Variants in ELK3 observed in about 807,000 individuals in gnomAD.
ELK3 encodes the protein ETS domain-containing protein Elk-3.
A neutral mutation model predicts 28.9 loss-of-function variants in ELK3; 10 were observed. The observed-to-expected ratio is 0.35, with a 90% CI of 0.21 to 0.59. The LOEUF is 0.59. Ranked by LOEUF, ELK3 falls within the 20% of genes least tolerant of loss-of-function variation. The pLI, the probability that ELK3 is intolerant of heterozygous loss-of-function variation, is 0.82. For synonymous variants in ELK3, 272 were observed against 243.5 expected (o/e 1.12, Z -1.09); for missense variants, 463 against 517.3 (o/e 0.90, Z 1.02).
intron 1 of ELK3, among the ~76,000 whole-genome samples, chr12:96,210,254 C>T (rs1042742572): frequency 8.6e-5 from 13 of 151,978 alleles, no homozygotes; most frequent in Admixed American, 6.6e-4. Flanking sequence ...CTGTTTTTTT[C>T]GGGGCATGTT....
chr12:96,263,776 A>C (rs1321337633), intron 4 of ELK3, among the ~76,000 whole-genome samples: 2 of 152,124 alleles, frequency 1.3e-5, no homozygotes, highest in Non-Finnish European at 2.9e-5. Flanking sequence ...TCAGGAAGGG[A>C]CCAGGTGATA....
chr12:96,252,643 A>T (rs1951916190), intron 3 of ELK3, among the ~76,000 whole-genome samples: 4 of 152,200 alleles, frequency 2.6e-5, no homozygotes, highest in Admixed American at 2.6e-4. Context: ...TAGCAAGAGA[A>T]CTAGCATTAG....
chr12:96,232,757 CA>C (rs58238317), intron 2 of ELK3, among the ~76,000 whole-genome samples: 145,104 of 151,346 alleles, frequency 0.96, 69,605 homozygotes, highest in East Asian at 1. Context: ...CAAAAACAAA[CA>C]AAAAAAAGCC....
In ELK3 at chr12:96,241,765, A is replaced by G. The variant is rs75250288; in HGVS notation, c.208-5175A>G. 7.9e-3 allele frequency among the ~76,000 whole-genome samples: 1,209 copies of G among 152,244 alleles called. 10 individuals carry two copies. Among genetic ancestry groups the G allele is most frequent in the African/African-American group, 0.028 (1,153 of 41,532 alleles). On this transcript the variant is annotated intron_variant, in intron 2 of 4. Transcript: ENST00000228741. Reference sequence around the variant, plus strand: ...CCTTTAGGCTACTACTGCATTCTCAAAATGGCAACTTGGACGGGGTGAGGG... The same window carrying G: ...CCTTTAGGCTACTACTGCATTCTCAGAATGGCAACTTGGACGGGGTGAGGG...
At chr12:96,210,140 G>A (rs1490400922) in intron 1 of ELK3, among the ~76,000 whole-genome samples, 2 of 152,072 alleles carry the variant, frequency 1.3e-5, no homozygotes, top group Non-Finnish European at 2.9e-5. Context: ...TATGAGGGTC[G>A]GGGGGCCAGA....
chr12:96,215,271 G>T (rs1370807930), intron 1 of ELK3, among the ~76,000 whole-genome samples: 1 of 152,166 alleles, frequency 6.6e-6, no homozygotes, highest in Admixed American at 6.5e-5. Flanking sequence ...GAACAAATAA[G>T]TGGGCATTTC....
At chr12:96,266,258 A>C (rs1052590934) in intron 4 of ELK3, among the ~76,000 whole-genome samples, 3 of 152,208 alleles carry the variant, frequency 2.0e-5, no homozygotes, top group Non-Finnish European at 4.4e-5. Context: ...TTTGGCGCTG[A>C]AGTTTAACTT....
intron 2 of ELK3, among the ~76,000 whole-genome samples, chr12:96,237,862 A>C (rs1426203906): frequency 6.6e-6 from 1 of 152,264 alleles, no homozygotes; most frequent in East Asian, 1.9e-4. Context: ...TACTTGTTCT[A>C]ACTTTGGAGA....
intron 3 of ELK3, among the ~76,000 whole-genome samples, chr12:96,252,150 C>T (rs915446904): frequency 6.6e-5 from 10 of 152,198 alleles, no homozygotes; most frequent in South Asian, 2.1e-4. Flanking sequence ...AAAGTCTGGA[C>T]GACAGCACAT....
chr12:96,243,259 C>G (rs1349203705), intron 2 of ELK3, among the ~76,000 whole-genome samples: 1 of 152,200 alleles, frequency 6.6e-6, no homozygotes, highest in East Asian at 1.9e-4. Context: ...CCGTGACCCA[C>G]TTTAGAACAT....
chr12:96,215,781 G>A (rs1237450593), intron 1 of ELK3, among the ~76,000 whole-genome samples: 1 of 151,842 alleles, frequency 6.6e-6, no homozygotes, highest in Non-Finnish European at 1.5e-5. Context: ...GTGGACAGGC[G>A]CGGACCACCA....
chr12:96,239,985 C>T (rs1350999802), intron 2 of ELK3, among the ~76,000 whole-genome samples: 1 of 152,220 alleles, frequency 6.6e-6, no homozygotes, highest in Non-Finnish European at 1.5e-5. Flanking sequence ...TCTGCGGCTC[C>T]GTGTGTCCCC....
rs114029813 is a variant in ELK3 at position 96,253,261 on chromosome 12, C to T, written c.1002+5527C>T. ...GACAACAAGAGCGAAACTCGCATCT[C>T]ACCAAAAAAATAAATAAATAAATAA... On this transcript the variant is annotated intron_variant, in intron 3 of 4. Coordinates refer to ENST00000228741, the MANE Select transcript of ELK3 (RefSeq NM_005230.4). Among the ~76,000 whole-genome samples the T allele has an allele frequency of 7.8e-3, 1,187 of 152,280 alleles. 18 individuals carry two copies. Among genetic ancestry groups the T allele is most frequent in the African/African-American group, 0.027 (1,109 of 41,544 alleles).
intron 2 of ELK3, among the ~76,000 whole-genome samples, chr12:96,235,421 C>G (rs960905423): frequency 6.6e-6 from 1 of 152,054 alleles, no homozygotes; most frequent in Non-Finnish European, 1.5e-5. Flanking sequence ...GGTTTTCTTA[C>G]CATTTCCTGC....
intron 3 of ELK3, among the ~76,000 whole-genome samples, chr12:96,251,307 T>C (rs929582605): frequency 6.6e-6 from 1 of 152,102 alleles, no homozygotes; most frequent in Non-Finnish European, 1.5e-5. Flanking sequence ...TGCTCTCCTG[T>C]GTCAAACTTG....
At chr12:96,241,424 GTT>G (rs890060851) in intron 2 of ELK3, among the ~76,000 whole-genome samples, 1 of 109,352 alleles carries the variant, frequency 9.1e-6, no homozygotes, top group Non-Finnish European at 2.0e-5. Context: ...ACAGTGGAGC[GTT>G]TGTGTGTGTG....
intron 4 of ELK3, among the ~76,000 whole-genome samples, chr12:96,260,187 T>C (rs78579111): frequency 0.012 from 1,870 of 152,292 alleles, 25 homozygotes; most frequent in Non-Finnish European, 0.021. Flanking sequence ...CTCACACCTG[T>C]AATCCCAGCA....
chr12:96,247,565 C>G lies in ELK3; in HGVS notation c.833C>G (p.Ser278Trp), dbSNP rs1301668988. ...TCCCTGGAGCCCTTGAACCTGTCAT[C>G]GGGCTCCAAGACCAAGTCTCCATCT... is the stretch of plus-strand genomic sequence containing the variant. Reference protein sequence around the residue: ...SDSLEPLNLSSGSKTKSPSLP... With the variant: ...SDSLEPLNLSWGSKTKSPSLP... Residue 278 changes from serine to tryptophan, a missense_variant, in exon 3 of 5, where the codon TCG (serine) becomes TGG (tryptophan). By Grantham distance (177) the Ser-to-Trp change is radical (BLOSUM62 -3). Around this residue, in one of 2 missense-constraint regions of ELK3, gnomAD observed 408 missense variants for 414.8 expected, o/e 0.98. Transcript: ENST00000228741. This position sits in a 1 kb window ranked among gnomAD's most constrained non-coding sequence, Gnocchi z 5.5. The G allele has an allele frequency of 2.5e-6, 4 of 1,614,016 alleles. No individual in the cohort carries two copies. In the African/African-American group the frequency reaches 5.3e-5, roughly 22 times the overall value.
At chr12:96,264,536 A>G (rs1952015318) in intron 4 of ELK3, among the ~76,000 whole-genome samples, 1 of 152,170 alleles carries the variant, frequency 6.6e-6, no homozygotes, top group African/African-American at 2.4e-5. Flanking sequence ...TAATCCCAGC[A>G]CTTTGGGAGG....
Sources: allele counts gnomAD v4.1 joint callset (sites outside exome capture counted in the v4.1 genomes callset), GRCh38; gene constraint gnomAD v4.1.1; regional missense constraint gnomAD v4.1.1; non-coding constraint Gnocchi (gnomAD v3.1); transcripts MANE v1.5; gene names NCBI Gene and HGNC (gene_info 2026-07-23, HGNC 2026-07-21).